The following TMEFF2 variants were observed in gnomAD, a reference collection of about 807,000 sequenced individuals.
The protein encoded by TMEFF2 is transmembrane protein with EGF like and two follistatin like domains 2.
In TMEFF2, 28 loss-of-function variants were observed where a neutral mutation model predicts 53.8. The observed-to-expected ratio is 0.52, with a 90% CI of 0.39 to 0.71. TMEFF2 has a LOEUF of 0.71. Ranked by LOEUF, TMEFF2 falls within the 30% of genes least tolerant of loss-of-function variation. The probability of loss-of-function intolerance (pLI) is 0.00; values close to 1 mark genes in which losing one functional copy is unlikely to be tolerated. For missense variants in TMEFF2, 353 were observed against 455.2 expected (o/e 0.78, Z 2.04); for synonymous variants, 162 against 166.3 (o/e 0.97, Z 0.20).
chr2:191,953,002 T>C (rs951382843), intron 9 of TMEFF2, among the ~76,000 whole-genome samples: 2 of 152,206 alleles, frequency 1.3e-5, no homozygotes, highest in Non-Finnish European at 2.9e-5. Context: ...AGTCCAATTC[T>C]TGGTTGGTTT....
At chr2:192,177,815 A>G (rs1691082636) in intron 4 of TMEFF2, 1 of 151,112 alleles carries the variant, frequency 6.6e-6, no homozygotes, top group Admixed American at 6.6e-5. Flanking sequence ...TTCAGATCAC[A>G]AGACAACATA....
intron 4 of TMEFF2, among the ~76,000 whole-genome samples, chr2:192,175,898 A>T (rs916319608): frequency 7.3e-5 from 11 of 151,236 alleles, no homozygotes; most frequent in Non-Finnish European, 1.3e-4. Flanking sequence ...ATAAATATTT[A>T]AAAAAAACAG....
chr2:192,162,658 G>A (rs1690663338), intron 4 of TMEFF2, among the ~76,000 whole-genome samples: 2 of 152,090 alleles, frequency 1.3e-5, no homozygotes, highest in Admixed American at 1.3e-4. Flanking sequence ...TGAATACAGT[G>A]AAGGATAGCT....
At chr2:192,119,454 G>A (rs1689495657) in intron 4 of TMEFF2, among the ~76,000 whole-genome samples, 1 of 152,134 alleles carries the variant, frequency 6.6e-6, no homozygotes, top group South Asian at 2.1e-4. Context: ...GATTTTAGTT[G>A]AGTATATTTG....
chr2:192,141,459 GAAAAAAAA>G (rs397987092), intron 4 of TMEFF2, among the ~76,000 whole-genome samples: 1 of 107,230 alleles, frequency 9.3e-6, no homozygotes, highest in Non-Finnish European at 1.8e-5. Flanking sequence ...TCTCAAAAAA[GAAAAAAAA>G]AAAAAAAAAA....
At chr2:192,032,317 A>T (rs1687159466) in intron 5 of TMEFF2, 1 of 152,220 alleles carries the variant, frequency 6.6e-6, no homozygotes, top group Admixed American at 6.5e-5. Context: ...TCTATAAAAA[A>T]GCAGGCTATT....
chr2:192,071,524 T>A (rs1305780202), intron 4 of TMEFF2, among the ~76,000 whole-genome samples: 1 of 151,884 alleles, frequency 6.6e-6, no homozygotes, highest in African/African-American at 2.4e-5. Context: ...AGTACCCAGC[T>A]ACCTGATTGG....
intron 7 of TMEFF2, among the ~76,000 whole-genome samples, chr2:191,986,130 T>G (rs79383564): frequency 0.026 from 4,011 of 152,310 alleles, 191 homozygotes; most frequent in African/African-American, 0.092. Context: ...TAGCCAGTTG[T>G]TTTTAAATAT....
At chr2:192,068,912 AT>A (rs1286058097) in intron 4 of TMEFF2, among the ~76,000 whole-genome samples, 2 of 151,562 alleles carry the variant, frequency 1.3e-5, no homozygotes, top group East Asian at 3.9e-4. Flanking sequence ...TGTAGCAATA[AT>A]TTTTTTGAAT....
At chr2:192,005,852 A>C (rs1686487433) in intron 5 of TMEFF2, among the ~76,000 whole-genome samples, 1 of 152,108 alleles carries the variant, frequency 6.6e-6, no homozygotes, top group Non-Finnish European at 1.5e-5. Context: ...ATTAACTCTC[A>C]CATCACTCCT....
intron 7 of TMEFF2, among the ~76,000 whole-genome samples, chr2:191,970,717 G>T (rs1466261194): frequency 6.6e-6 from 1 of 152,128 alleles, no homozygotes; most frequent in Non-Finnish European, 1.5e-5. Context: ...TTTGTACATG[G>T]TTGGTAACCA....
At chr2:192,160,638 G>T (rs1237999406) in intron 4 of TMEFF2, among the ~76,000 whole-genome samples, 1 of 152,070 alleles carries the variant, frequency 6.6e-6, no homozygotes, top group Non-Finnish European at 1.5e-5. Context: ...TCTCTGTGGA[G>T]CCTGAGCTTT....
chr2:192,084,064 T>G (rs771604219), intron 4 of TMEFF2, among the ~76,000 whole-genome samples: 1 of 152,172 alleles, frequency 6.6e-6, no homozygotes, highest in Admixed American at 6.6e-5. Context: ...ATTGGGTAGA[T>G]AGTATCATCC....
chr2:192,061,204 T>C (rs1270963349), intron 4 of TMEFF2, among the ~76,000 whole-genome samples: 1 of 152,130 alleles, frequency 6.6e-6, no homozygotes, highest in African/African-American at 2.4e-5. Flanking sequence ...CTGAAAACAG[T>C]GAACTATAAT....
At chr2:191,968,985 T>TAACA (rs1692546040) in intron 7 of TMEFF2, among the ~76,000 whole-genome samples, 1 of 152,100 alleles carries the variant, frequency 6.6e-6, no homozygotes, top group African/African-American at 2.4e-5. Context: ...ATCACTGCAC[T>TAACA]AACACACCTG....
chr2:192,192,810 T>G (rs1430573863), intron 1 of TMEFF2, among the ~76,000 whole-genome samples: 2 of 152,214 alleles, frequency 1.3e-5, no homozygotes, highest in Non-Finnish European at 2.9e-5. Context: ...AGGCTCATAA[T>G]TATTACCATA....
In TMEFF2 at chr2:192,135,076, A is replaced by T. The variant is rs566391661; in HGVS notation, c.439+44592T>A. Among the ~76,000 whole-genome samples the T allele has an allele frequency of 4.6e-5, 7 of 152,316 alleles. No individual in the cohort carries two copies. The East Asian group carries it at 9.7e-4, about 21-fold the overall frequency. On this transcript the variant is annotated intron_variant, in intron 4 of 9. Coordinates refer to ENST00000272771, the MANE Select transcript of TMEFF2 (RefSeq NM_016192.4). ...TTATTAGGCCCCAGTCTCATTCCAG[A>T]CACCGGACCAACTTAGACTGTGCCC...
At chr2:191,999,659 A>G (rs2105836638) in intron 5 of TMEFF2, among the ~76,000 whole-genome samples, 1 of 152,118 alleles carries the variant, frequency 6.6e-6, no homozygotes, top group East Asian at 1.9e-4. Flanking sequence ...GCAAACAAGT[A>G]AATTATTTGG....
intron 4 of TMEFF2, among the ~76,000 whole-genome samples, chr2:192,087,507 G>A (rs1688693919): frequency 1.3e-5 from 2 of 152,174 alleles, no homozygotes; most frequent in South Asian, 2.1e-4. Context: ...TGAGGGGCTC[G>A]AGTTTAGAGA....
Sources: gnomAD v4.1 joint callset for allele counts (sites outside exome capture counted in the v4.1 genomes callset) on GRCh38, gnomAD v4.1.1 for gene constraint, MANE v1.5 for transcripts, NCBI Gene and HGNC (gene_info 2026-07-23, HGNC 2026-07-21) for gene names.